The following MYO6 variants were observed in gnomAD, a reference collection of about 807,000 sequenced individuals.
MYO6 encodes the protein myosin VI.
MYO6 carries 74 observed loss-of-function variants against 178.7 expected under a neutral mutation model. The ratio of observed to expected loss-of-function variants is 0.41; its 90% CI spans 0.34 to 0.50. The LOEUF is 0.50. MYO6 is among the 20% of genes least tolerant of loss of function. The pLI, the probability that MYO6 is intolerant of heterozygous loss-of-function variation, is 0.09. For missense variants in MYO6, 1,330 were observed against 1,547.4 expected, an observed-to-expected ratio of 0.86 and a Z score of 2.36; for synonymous variants, 477 against 504.6, an observed-to-expected ratio of 0.95 and a Z score of 0.73.
rs773096047 is a variant in MYO6 at position 75,898,395 on chromosome 6, T to G, written c.3160T>G (p.Ser1054Ala). The change falls in exon 30 of 35, where the codon TCA becomes GCA. Residue 1054 changes from serine to alanine, a missense_variant. Ser to Ala is a moderately conservative substitution (Grantham distance 99, BLOSUM62 1). Coordinates refer to ENST00000369977, the MANE Select transcript of MYO6 (RefSeq NM_004999.4). ...TAGGGAACAAATGGCCAAAGAAATG[T>G]CAGAATTTTTGAGTAGGTTAGTGCA... ...MTPEQMAKEM[S>A]EFLSRGPAVL... 1.9e-6 allele frequency: 3 copies of G among 1,610,392 alleles called. No homozygotes were observed. Among genetic ancestry groups the G allele is most frequent in the Non-Finnish European group, 1.7e-6 (2 of 1,176,814 alleles).
intron 14 of MYO6, 71 bp downstream of exon 14, chr6:75,859,064 G>A (rs1775967258): frequency 2.0e-6 from 2 of 1,024,428 alleles, no homozygotes; most frequent in Non-Finnish European, 3.0e-6. Context: ...GAGATATGCT[G>A]CAGTTACCCT....
At chr6:75,888,017 T>C (rs1405421979) in intron 25 of MYO6, among the ~76,000 whole-genome samples, 1 of 145,054 alleles carries the variant, frequency 6.9e-6, no homozygotes, top group African/African-American at 2.6e-5. Context: ...TGGTGGGGCA[T>C]GGTGGCTCCT....
At chr6:75,756,631 C>A (rs1465537850) in intron 1 of MYO6, among the ~76,000 whole-genome samples, 1 of 152,120 alleles carries the variant, frequency 6.6e-6, no homozygotes, top group African/African-American at 2.4e-5. Context: ...CTGTGCCTGG[C>A]CAATAGCAGC....
In MYO6 at chr6:75,888,432, T is replaced by A. The variant is rs528429055; in HGVS notation, c.2658+1438T>A. On this transcript the variant is annotated intron_variant, in intron 25 of 34. Coordinates refer to ENST00000369977, the MANE Select transcript of MYO6 (RefSeq NM_004999.4). ...GAGTTAGAGACCAACCTGATCAACA[T>A]GGCCAAAACCTGTCTCCACCAAAAA... 1.2e-3 allele frequency among the ~76,000 whole-genome samples: 187 copies of A among 152,070 alleles called. 2 individuals carry two copies. The highest frequency in any genetic ancestry group is 4.4e-3 in the African/African-American group (184 of 41,504).
intron 1 of MYO6, among the ~76,000 whole-genome samples, chr6:75,757,467 G>C (rs1777559542): frequency 2.0e-5 from 3 of 151,200 alleles, no homozygotes; most frequent in Non-Finnish European, 4.4e-5. Flanking sequence ...AGAGGTGGGC[G>C]ACCTTGGTGT....
rs1781124951 is a variant in MYO6, at chr6:75,916,478, A to G, written c.*1466A>G. On this transcript the variant is annotated 3_prime_UTR_variant, in exon 35 of 35. Transcript: ENST00000369977. ...TAAATTAAATGGTTGTGTCTGTGCT[A>G]TTGAGAATGCAAATGTGATTATCTT... 1 of 152,778 alleles carries G rather than the reference A, an allele frequency of 6.5e-6. No homozygotes were observed. The highest frequency in any genetic ancestry group is 3.4e-3 in the Middle Eastern group (1 of 294). The allele number at this position is 152,778 out of a possible 1,614,324, so 9.5% of individuals were successfully genotyped here.
Position 75,881,807 on chromosome 6 carries a change from C to T in MYO6, c.2405C>T (p.Ser802Leu). 6.2e-7 allele frequency: 1 copy of T among 1,613,764 alleles called. No homozygotes were observed. Among genetic ancestry groups the T allele is most frequent in the African/African-American group, 1.3e-5 (1 of 75,010 alleles). The part of the protein sequence containing the change: ...RWKKVQWCSL[S>L]VIKLKNKIKY... Reference sequence around the variant, plus strand: ...AAGAAAGTTCAGTGGTGCTCACTCTCAGTCATCAAATGTAGGTGTTTTCCT... The same window carrying T: ...AAGAAAGTTCAGTGGTGCTCACTCTTAGTCATCAAATGTAGGTGTTTTCCT... The change falls in exon 23 of 35, where the codon TCA becomes TTA. Residue 802 changes from serine (S) to leucine (L), a missense_variant. Ser to Leu is a moderately radical substitution (Grantham distance 145). This residue lies in a region of MYO6 where 601 missense variants were observed against 626.1 expected (regional missense o/e 0.96). Transcript: ENST00000369977.
intron 27 of MYO6, among the ~76,000 whole-genome samples, chr6:75,891,861 G>C (rs954613658): frequency 6.6e-6 from 1 of 152,082 alleles, no homozygotes; most frequent in Non-Finnish European, 1.5e-5. Flanking sequence ...AGGAACTATG[G>C]GTCACAGTTG....
Position 75,906,232 on chromosome 6 carries a change from C to T in MYO6, c.3177-1373C>T, listed in dbSNP as rs183399903. Among the ~76,000 whole-genome samples, 167 of 124,984 alleles carry T rather than the reference C, an allele frequency of 1.3e-3. 1 individual carries two copies. Among genetic ancestry groups the T allele is most frequent in the Non-Finnish European group, 2.0e-3 (101 of 51,560 alleles). 82.0% of individuals were successfully genotyped at this position (124,984 alleles called of 152,430 possible). On this transcript the variant is annotated intron_variant, in intron 30 of 34. Transcript: ENST00000369977. ...TGTCTTGAAATGTGATGTATTTAAACGCTTCTCGTTACCTTGAGCTTAAAG... is the reference window on the plus strand; with the variant it reads ...TGTCTTGAAATGTGATGTATTTAAATGCTTCTCGTTACCTTGAGCTTAAAG...
intron 1 of MYO6, among the ~76,000 whole-genome samples, chr6:75,787,902 G>GTA (rs1767834070): frequency 6.7e-6 from 1 of 150,124 alleles, no homozygotes; most frequent in Non-Finnish European, 1.5e-5. Context: ...TGGGACTACA[G>GTA]GTATGCACCA....
intron 25 of MYO6, among the ~76,000 whole-genome samples, chr6:75,888,244 T>C (rs752965409): frequency 6.6e-6 from 1 of 152,134 alleles, no homozygotes; most frequent in Non-Finnish European, 1.5e-5. Context: ...ATTGTGCCAC[T>C]GCACTCCTGC....
At chr6:75,796,256 A>G (rs1768804865) in intron 1 of MYO6, among the ~76,000 whole-genome samples, 1 of 152,190 alleles carries the variant, frequency 6.6e-6, no homozygotes, top group Non-Finnish European at 1.5e-5. Flanking sequence ...TCTGTAGAAT[A>G]GAGTTAAGGC....
At chr6:75,870,306 A>G (rs1777040434) in intron 18 of MYO6, among the ~76,000 whole-genome samples, 2 of 152,198 alleles carry the variant, frequency 1.3e-5, no homozygotes, top group Admixed American at 1.3e-4. Context: ...ATCTCTTATT[A>G]AATGCATCCT....
chr6:75,867,621 A>G (rs908627589), intron 18 of MYO6: 1 of 154,648 alleles, frequency 6.5e-6, no homozygotes, highest in Non-Finnish European at 1.4e-5. Context: ...TTCATTTTCA[A>G]TGTGTTTCTC....
intron 1 of MYO6, among the ~76,000 whole-genome samples, chr6:75,796,747 C>G (rs570804675): frequency 5.3e-5 from 8 of 151,984 alleles, no homozygotes; most frequent in Non-Finnish European, 1.0e-4. Context: ...GAATTACAGG[C>G]ATGAGCCACC....
In MYO6 at chr6:75,876,630, G is replaced by A. The variant is rs57885675; in HGVS notation, c.2078-3190G>A. Among the ~76,000 whole-genome samples, 1,509 of 152,150 alleles carry A rather than the reference G, an allele frequency of 9.9e-3. 25 individuals are homozygous for A. Among genetic ancestry groups the A allele is most frequent in the African/African-American group, 0.034 (1,426 of 41,494 alleles). On this transcript the variant is annotated intron_variant, in intron 20 of 34. Coordinates refer to ENST00000369977, the MANE Select transcript of MYO6 (RefSeq NM_004999.4). ...TATATGCTATCAGATTAGTGGAGAGGGTATAGGCTACTGATGAATGCTTTA... is the reference window on the plus strand; with the variant it reads ...TATATGCTATCAGATTAGTGGAGAGAGTATAGGCTACTGATGAATGCTTTA...
chr6:75,864,197 AAC>A (rs1451865125), intron 16 of MYO6, among the ~76,000 whole-genome samples: 1 of 152,244 alleles, frequency 6.6e-6, no homozygotes, highest in African/African-American at 2.4e-5. Context: ...TTGAGATTGT[AAC>A]ATAGTATAAT....
intron 28 of MYO6, among the ~76,000 whole-genome samples, chr6:75,895,008 T>C (rs567583820): frequency 1.3e-5 from 2 of 152,352 alleles, no homozygotes; most frequent in South Asian, 2.1e-4. Context: ...CTAATCTAGA[T>C]GTAATGTATT....
At chr6:75,760,050 G>T (rs987283048) in intron 1 of MYO6, among the ~76,000 whole-genome samples, 2 of 152,072 alleles carry the variant, frequency 1.3e-5, no homozygotes, top group Admixed American at 1.3e-4. Flanking sequence ...ATTTATACTT[G>T]TATTCACCTG....
Sources: allele counts gnomAD v4.1 joint callset (sites outside exome capture counted in the v4.1 genomes callset), GRCh38; gene constraint gnomAD v4.1.1; regional missense constraint gnomAD v4.1.1; transcripts MANE v1.5; gene names NCBI Gene and HGNC (gene_info 2026-07-23, HGNC 2026-07-21).